NBEA: variants seen among roughly 807,000 people sequenced by gnomAD.
NBEA encodes lysosomal-trafficking regulator 2.
In NBEA, 44 loss-of-function variants were observed where a neutral mutation model predicts 343.4. The observed-to-expected ratio is 0.13, with a 90% CI of 0.10 to 0.16. The LOEUF (loss-of-function observed/expected upper bound fraction) is 0.16, where lower values mean the gene tolerates loss of function less well. Ranked by LOEUF, NBEA falls within the 10% of genes least tolerant of loss-of-function variation. NBEA has a pLI of 1.00. For missense variants in NBEA, 2,555 were observed against 3,631.3 expected (o/e 0.70, Z 7.62); for synonymous variants, 1,175 against 1,238.7 (o/e 0.95, Z 1.08).
intron 1 of NBEA, among the ~76,000 whole-genome samples, chr13:35,016,676 A>G (rs536069257): frequency 1.4e-4 from 21 of 152,290 alleles, no homozygotes; most frequent in Admixed American, 3.3e-4. Flanking sequence ...AGTATAGATT[A>G]TGTAGTGCTA....
At chr13:35,600,670 A>G (rs1455543053) in intron 47 of NBEA, among the ~76,000 whole-genome samples, 2 of 152,154 alleles carry the variant, frequency 1.3e-5, no homozygotes, top group African/African-American at 4.8e-5. Context: ...TGACATCACC[A>G]CCATGTTACA....
Position 34,950,730 on chromosome 13 carries a change from A to G in NBEA, c.294+7616A>G, listed in dbSNP as rs554213896. Among the ~76,000 whole-genome samples the G allele has an allele frequency of 3.9e-5, 6 of 152,182 alleles. No individual in the cohort carries two copies. In the East Asian group the frequency reaches 9.6e-4, roughly 24 times the overall value. On this transcript the variant is annotated intron_variant, in intron 1 of 58. Transcript: ENST00000379939. ...AGAAATATACATGTTTAATTAATAT[A>G]AAAATACTCACTTTGGCTAAATAAG... is the stretch of plus-strand genomic sequence containing the variant.
At chr13:35,024,443 A>G (rs1654484062) in intron 1 of NBEA, among the ~76,000 whole-genome samples, 1 of 152,086 alleles carries the variant, frequency 6.6e-6, no homozygotes, top group Non-Finnish European at 1.5e-5. Context: ...AGGCCAAGGC[A>G]GATGGATCAC....
intron 36 of NBEA, among the ~76,000 whole-genome samples, chr13:35,321,965 C>T (rs931520919): frequency 6.6e-6 from 1 of 152,144 alleles, no homozygotes; most frequent in Non-Finnish European, 1.5e-5. Context: ...CTAGAGGGTC[C>T]CAGGTTGACT....
At chr13:35,568,209 T>G (rs2153026929) in intron 45 of NBEA, among the ~76,000 whole-genome samples, 1 of 152,292 alleles carries the variant, frequency 6.6e-6, no homozygotes, top group Non-Finnish European at 1.5e-5. Context: ...TTCTTATGCG[T>G]CATTCAGTAT....
Position 35,538,834 on chromosome 13 carries a change from A to G in NBEA, c.6586-11643A>G, listed in dbSNP as rs1015263119. On this transcript the variant is annotated intron_variant, in intron 41 of 58. Transcript: ENST00000379939. ...TGTGTTCCCACATTAGAGATGCTCA[A>G]GGTGTACTTTTAATATTAGTACTCA... is the stretch of plus-strand genomic sequence containing the variant. Among the ~76,000 whole-genome samples, 4 of 152,238 alleles carry G rather than the reference A, an allele frequency of 2.6e-5. No homozygotes were observed. The South Asian group carries it at 8.3e-4, about 31-fold the overall frequency.
chr13:35,225,026 G>A lies in NBEA; in HGVS notation c.5649-7466G>A, dbSNP rs59137343. On this transcript the variant is annotated intron_variant, in intron 33 of 58. Coordinates refer to ENST00000379939, the MANE Select transcript of NBEA (RefSeq NM_001385012.1). ...TCTACTTTTACTTTGTGTTTAGTTAGGTGCTAGTTTTTCAGAGTGTCTTAC... is the reference window on the plus strand; with the variant it reads ...TCTACTTTTACTTTGTGTTTAGTTAAGTGCTAGTTTTTCAGAGTGTCTTAC... 6.4e-3 allele frequency among the ~76,000 whole-genome samples: 975 copies of A among 152,154 alleles called. 11 individuals carry two copies. The highest frequency in any genetic ancestry group is 0.022 in the African/African-American group (934 of 41,522).
chr13:35,459,010 C>T (rs1245584138), intron 40 of NBEA, among the ~76,000 whole-genome samples: 2 of 105,364 alleles, frequency 1.9e-5, no homozygotes, highest in African/African-American at 4.0e-5. Context: ...CCACCGCCCC[C>T]CCCCCCCCAC....
At chr13:34,984,842 C>G (rs1437493031) in intron 1 of NBEA, among the ~76,000 whole-genome samples, 1 of 150,772 alleles carries the variant, frequency 6.6e-6, no homozygotes, top group Non-Finnish European at 1.5e-5. Context: ...CTCTGTTTGT[C>G]TGTTATTGGT....
chr13:35,559,561 G>T (rs950461515), intron 44 of NBEA, among the ~76,000 whole-genome samples: 9 of 151,964 alleles, frequency 5.9e-5, no homozygotes, highest in African/African-American at 2.2e-4. Flanking sequence ...ATTTTTATTT[G>T]ATATCAAGAT....
chr13:35,029,728 A>C (rs1301510979), intron 1 of NBEA, among the ~76,000 whole-genome samples: 1 of 151,664 alleles, frequency 6.6e-6, no homozygotes, highest in Admixed American at 6.6e-5. Context: ...AAGGTACTTA[A>C]ATTGCTAGTA....
intron 51 of NBEA, 39 bp downstream of exon 51, chr13:35,646,387 C>A: frequency 1.4e-6 from 2 of 1,439,138 alleles, no homozygotes; most frequent in Non-Finnish European, 9.7e-7. Flanking sequence ...TTTTTCTTTC[C>A]TTTTTACCTG....
In NBEA at chr13:35,605,870, C is replaced by A. The variant is rs549516808; in HGVS notation, c.7297-556C>A. Among the ~76,000 whole-genome samples the A allele has an allele frequency of 8.0e-4, 121 of 152,030 alleles. 2 individuals are homozygous for A. The highest frequency in any genetic ancestry group is 7.5e-4 in the Non-Finnish European group (51 of 67,966). Reference sequence around the variant, plus strand: ...AACTGTTTATCATATTGTGTATCATCTCTTTTATTGTGTTCAGTGATTGAT... The same window carrying A: ...AACTGTTTATCATATTGTGTATCATATCTTTTATTGTGTTCAGTGATTGAT... On this transcript the variant is annotated intron_variant, in intron 47 of 58. Transcript: ENST00000379939.
chr13:35,117,875 G>A (rs763249885), intron 14 of NBEA, among the ~76,000 whole-genome samples: 40 of 151,934 alleles, frequency 2.6e-4, no homozygotes, highest in Non-Finnish European at 5.2e-4. Flanking sequence ...TATAAATTGT[G>A]AGATAGTACA....
chr13:34,996,958 G>A (rs1461851587), intron 1 of NBEA, among the ~76,000 whole-genome samples: 1 of 152,124 alleles, frequency 6.6e-6, no homozygotes, highest in Non-Finnish European at 1.5e-5. Flanking sequence ...TGTATTCAAA[G>A]TAGTGTGGAG....
intron 36 of NBEA, among the ~76,000 whole-genome samples, chr13:35,313,564 A>T (rs1169574390): frequency 6.6e-6 from 1 of 152,202 alleles, no homozygotes; most frequent in Non-Finnish European, 1.5e-5. Context: ...AGCCACAAGG[A>T]GGTCATGATG....
At chr13:35,321,499 G>A (rs527720694) in intron 36 of NBEA, among the ~76,000 whole-genome samples, 2 of 152,194 alleles carry the variant, frequency 1.3e-5, no homozygotes, top group African/African-American at 4.8e-5. Context: ...CCATATGCCA[G>A]CTGGAGCTCT....
At chr13:34,979,996 T>C (rs539054564) in intron 1 of NBEA, among the ~76,000 whole-genome samples, 1 of 152,202 alleles carries the variant, frequency 6.6e-6, no homozygotes, top group Admixed American at 6.5e-5. Context: ...GTAGTACCTT[T>C]GAAGAAAGTT....
At chr13:35,203,131 T>C (rs970492882) in intron 31 of NBEA, among the ~76,000 whole-genome samples, 8 of 152,190 alleles carry the variant, frequency 5.3e-5, no homozygotes, top group Non-Finnish European at 8.8e-5. Context: ...AGTAGTCCTA[T>C]TATAACATAA....
Sources: gnomAD v4.1 joint callset for allele counts (sites outside exome capture counted in the v4.1 genomes callset) on GRCh38, gnomAD v4.1.1 for gene constraint, MANE v1.5 for transcripts, NCBI Gene and HGNC (gene_info 2026-07-23, HGNC 2026-07-21) for gene names.